SMIM13: variants seen among roughly 807,000 people sequenced by gnomAD.
SMIM13 encodes UPF0766 protein C6orf228.
In SMIM13, 3 loss-of-function variants were observed where a neutral mutation model predicts 5.9. The observed-to-expected ratio is 0.51, with a 90% CI of 0.23 to 1.31. The LOEUF (loss-of-function observed/expected upper bound fraction) is 1.31. Ranked by LOEUF, SMIM13 falls within the 40% of genes most tolerant of loss-of-function variation. The pLI, the probability that SMIM13 is intolerant of heterozygous loss-of-function variation, is 0.18. For missense variants in SMIM13, 85 were observed against 109.9 expected, an observed-to-expected ratio of 0.77 and a Z score of 1.01; for synonymous variants, 55 against 46.0, an observed-to-expected ratio of 1.19 and a Z score of -0.79.
chr6:11,133,841 G>C (rs892029928), intron 1 of SMIM13, among the ~76,000 whole-genome samples: 2 of 151,074 alleles, frequency 1.3e-5, no homozygotes, highest in African/African-American at 4.9e-5. Context: ...TTGAATCTAA[G>C]ATATTGGTGC....
At chr6:11,097,303 C>G (rs868702300) in intron 1 of SMIM13, among the ~76,000 whole-genome samples, 1 of 152,150 alleles carries the variant, frequency 6.6e-6, no homozygotes. Context: ...GGACATCAGT[C>G]GCTGGATTAT....
chr6:11,113,866 C>T (rs1056265271), intron 1 of SMIM13, among the ~76,000 whole-genome samples: 6 of 151,420 alleles, frequency 4.0e-5, no homozygotes, highest in South Asian at 2.1e-4. Flanking sequence ...CATGAGCCAC[C>T]GCACCCGGCT....
In SMIM13 at chr6:11,136,510, A is replaced by C. The variant is rs894081069; in HGVS notation, c.*1908A>C. The C allele has an allele frequency of 2.6e-5, 4 of 152,252 alleles. No homozygotes were observed. The highest frequency in any genetic ancestry group is 9.6e-5 in the African/African-American group (4 of 41,544). 9.4% of individuals were successfully genotyped at this position (152,252 alleles called of 1,614,324 possible). A position where few individuals can be genotyped will look rare whatever the true frequency, so the allele number is the denominator to read the frequency against. On this transcript the variant is annotated 3_prime_UTR_variant, in exon 2 of 2. Transcript: ENST00000416247. ...TGTGTTATTATGTTTGATACCTCATACTTCTTGCTTAGAGTTTTGTTTAAC... is the reference window on the plus strand; with the variant it reads ...TGTGTTATTATGTTTGATACCTCATCCTTCTTGCTTAGAGTTTTGTTTAAC...
rs191489815 is a variant in SMIM13 at position 11,135,665 on chromosome 6, C to G, written c.*1063C>G. On this transcript the variant is annotated 3_prime_UTR_variant, in exon 2 of 2. Coordinates refer to ENST00000416247, the MANE Select transcript of SMIM13 (RefSeq NM_001135575.2). ...AATGACTGTGGTTTGAAAAGTGATT[C>G]AGAAGAGTTGGATTCAGAATATGAA... 453 of 152,706 alleles carry G rather than the reference C, an allele frequency of 3.0e-3. 4 individuals are homozygous for G. Among genetic ancestry groups the G allele is most frequent in the Non-Finnish European group, 4.7e-3 (319 of 68,026 alleles). The allele number at this position is 152,706 out of a possible 1,614,324, so 9.5% of individuals were successfully genotyped here. A position where few individuals can be genotyped will look rare whatever the true frequency, so the allele number is the denominator to read the frequency against.
intron 1 of SMIM13, chr6:11,105,082 G>C (rs200815152): frequency 3.3e-5 from 53 of 1,614,170 alleles, no homozygotes; most frequent in Non-Finnish European, 4.3e-5. Flanking sequence ...GGGTCCCATC[G>C]ATAGGAAATA....
chr6:11,104,222 A>G (rs1158923843), intron 1 of SMIM13: 10 of 1,551,554 alleles, frequency 6.4e-6, no homozygotes, highest in Admixed American at 2.0e-5. Flanking sequence ...TACCAGCTAG[A>G]ATGCCGAGTC....
intron 1 of SMIM13, among the ~76,000 whole-genome samples, chr6:11,098,107 C>T (rs1757947937): frequency 6.6e-6 from 1 of 152,184 alleles, no homozygotes; most frequent in African/African-American, 2.4e-5. Flanking sequence ...GAACTGGGAA[C>T]ACAGTTCCTG....
At chr6:11,125,171 C>G (rs942574293) in intron 1 of SMIM13, among the ~76,000 whole-genome samples, 1 of 149,784 alleles carries the variant, frequency 6.7e-6, no homozygotes, top group African/African-American at 2.5e-5. Context: ...CCAGCTACTT[C>G]GGAGGCTGAG....
At chr6:11,098,472 G>A (rs902564427) in intron 1 of SMIM13, among the ~76,000 whole-genome samples, 2 of 152,166 alleles carry the variant, frequency 1.3e-5, no homozygotes, top group Non-Finnish European at 2.9e-5. Context: ...TGCTCTTGTT[G>A]CCCAGGCTGG....
chr6:11,106,909 T>A (rs558864380), intron 1 of SMIM13, among the ~76,000 whole-genome samples: 1 of 152,370 alleles, frequency 6.6e-6, no homozygotes, highest in African/African-American at 2.4e-5. Context: ...GATAGCTGTG[T>A]GAGTGTGAAG....
intron 1 of SMIM13, among the ~76,000 whole-genome samples, chr6:11,131,287 G>A (rs1758447278): frequency 6.6e-6 from 1 of 151,694 alleles, no homozygotes; most frequent in African/African-American, 2.4e-5. Flanking sequence ...GCCATGTTTT[G>A]TTCATTGTGG....
chr6:11,129,082 G>C (rs545305710), intron 1 of SMIM13, among the ~76,000 whole-genome samples: 7 of 151,548 alleles, frequency 4.6e-5, no homozygotes, highest in Non-Finnish European at 8.8e-5. Flanking sequence ...CGGGAGCGGG[G>C]GGGGGATGAT....
chr6:11,132,731 G>GAGACAGAGAGTAGATT (rs1758467018), intron 1 of SMIM13, among the ~76,000 whole-genome samples: 1 of 152,196 alleles, frequency 6.6e-6, no homozygotes, highest in Non-Finnish European at 1.5e-5. Context: ...CAAATCCATA[G>GAGACAGAGAGTAGATT]AGACAGAGAG....
At position 11,124,034 on chromosome 6, in the gene SMIM13, T is replaced by TAAATGTAC. The variant is rs1186021297; in HGVS notation, c.77-10367_77-10360dup. Among the ~76,000 whole-genome samples the TAAATGTAC allele has an allele frequency of 3.3e-5, 5 of 152,342 alleles. No individual in the cohort carries two copies. The East Asian group carries it at 7.7e-4, about 24-fold the overall frequency. ...TTTTATTTTCTTTTAGTTATTTTTATAAATGTACAGTAAGTTATTGTTGAC... is the reference window on the plus strand; with the variant it reads ...TTTTATTTTCTTTTAGTTATTTTTATAAATGTACAAATGTACAGTAAGTTATTGTTGAC... On this transcript the variant is annotated intron_variant, in intron 1 of 1. Transcript: ENST00000416247.
intron 1 of SMIM13, among the ~76,000 whole-genome samples, chr6:11,108,398 A>G (rs866404965): frequency 1.0e-3 from 153 of 152,320 alleles, no homozygotes; most frequent in African/African-American, 3.5e-3. Context: ...CTTCAGCTCA[A>G]GGAGCTGAAG....
At chr6:11,125,160 G>A (rs1173337490) in intron 1 of SMIM13, among the ~76,000 whole-genome samples, 10 of 148,916 alleles carry the variant, frequency 6.7e-5, no homozygotes, top group Non-Finnish European at 1.5e-4. Flanking sequence ...CGCCCGTAAG[G>A]CCAGCTACTT....
intron 1 of SMIM13, among the ~76,000 whole-genome samples, chr6:11,125,559 GC>G (rs768562046): frequency 9.9e-5 from 15 of 152,134 alleles, no homozygotes; most frequent in Non-Finnish European, 2.1e-4. Context: ...TCGTGCCATT[GC>G]ACTCCAGACT....
At chr6:11,129,079 G>GC (rs1554119922) in intron 1 of SMIM13, among the ~76,000 whole-genome samples, 18 of 60,934 alleles carry the variant, frequency 3.0e-4, no homozygotes, top group African/African-American at 1.1e-3. Flanking sequence ...TACCGGGAGC[G>GC]GGGGGGGGAT....
At chr6:11,124,387 A>G (rs570157444) in intron 1 of SMIM13, among the ~76,000 whole-genome samples, 1 of 152,328 alleles carries the variant, frequency 6.6e-6, no homozygotes, top group Admixed American at 6.5e-5. Flanking sequence ...TTTAAAATCC[A>G]TTTGTCTGTT....
Sources: allele counts gnomAD v4.1 joint callset (sites outside exome capture counted in the v4.1 genomes callset), GRCh38; gene constraint gnomAD v4.1.1; transcripts MANE v1.5; gene names NCBI Gene and HGNC (gene_info 2026-07-23, HGNC 2026-07-21).